TYW1B: variants seen among roughly 807,000 people sequenced by gnomAD.
TYW1B encodes S-adenosyl-L-methionine-dependent tRNA 4-demethylwyosine synthase TYW1B.
Under a neutral mutation model 86.9 loss-of-function variants are expected in TYW1B, and 73 were observed. That is an observed-to-expected ratio of 0.84 (90% CI 0.70 to 1.02). TYW1B has a LOEUF of 1.02. TYW1B is among the 50% of genes least tolerant of loss of function. The pLI, the probability that TYW1B is intolerant of heterozygous loss-of-function variation, is 0.00. For synonymous variants in TYW1B, 248 were observed against 292.8 expected (o/e 0.85, Z 1.56); for missense variants, 637 against 827.4 (o/e 0.77, Z 2.82).
chr7:72,616,983 T>A lies in TYW1B; in HGVS notation c.1618-144A>T, dbSNP rs537468620. On this transcript the variant is annotated intron_variant, in intron 12 of 13. Transcript: ENST00000620995. ...GTGAAGGAAGTGAATATAGAGATGA[T>A]AAAATCTGCCTAGGAGACCATACAA... The A allele has an allele frequency of 3.3e-5, 36 of 1,096,828 alleles. No individual in the cohort carries two copies. In the African/African-American group the frequency reaches 5.2e-4, roughly 16 times the overall value. The allele number at this position is 1,096,828 out of a possible 1,614,324, so 67.9% of individuals were successfully genotyped here. A position where few individuals can be genotyped will look rare whatever the true frequency, so the allele number is the denominator to read the frequency against.
intron 9 of TYW1B, among the ~76,000 whole-genome samples, chr7:72,717,778 A>G (rs1163304478): frequency 6.6e-6 from 1 of 152,182 alleles, no homozygotes; most frequent in African/African-American, 2.4e-5. Flanking sequence ...TTGCAGAGAA[A>G]TGCAAATTAA....
intron 4 of TYW1B, 78 bp downstream of exon 4, chr7:72,810,393 T>C: frequency 8.7e-7 from 1 of 1,144,786 alleles, no homozygotes; most frequent in Non-Finnish European, 1.2e-6. Flanking sequence ...CACGTGTGTT[T>C]GTGTGTGTGT....
chr7:72,644,826 CTTT>C (rs371295909), intron 11 of TYW1B, among the ~76,000 whole-genome samples: 3 of 119,622 alleles, frequency 2.5e-5, no homozygotes, highest in Non-Finnish European at 1.7e-5. Flanking sequence ...CATGACTTTC[CTTT>C]TTTTTTTTTT....
intron 11 of TYW1B, among the ~76,000 whole-genome samples, chr7:72,663,761 C>CAAAAAAAA: frequency 1.7e-5 from 1 of 57,840 alleles, no homozygotes; most frequent in Non-Finnish European, 2.9e-5. Context: ...GACTCCATCT[C>CAAAAAAAA]AAAAAAAAAA....
intron 3 of TYW1B, among the ~76,000 whole-genome samples, chr7:72,812,954 C>T (rs1788648885): frequency 6.6e-6 from 1 of 152,064 alleles, no homozygotes; most frequent in African/African-American, 2.4e-5. Context: ...GACCTCTCAA[C>T]TTGCTGGGAT....
At chr7:72,634,110 T>A (rs1259131605) in intron 11 of TYW1B, among the ~76,000 whole-genome samples, 2 of 152,062 alleles carry the variant, frequency 1.3e-5, no homozygotes, top group African/African-American at 4.8e-5. Context: ...CCCCCTACTT[T>A]GGGTTTCTTA....
chr7:72,728,019 A>G (rs1337775975), intron 9 of TYW1B, among the ~76,000 whole-genome samples: 2 of 152,150 alleles, frequency 1.3e-5, no homozygotes, highest in Non-Finnish European at 2.9e-5. Flanking sequence ...AATTCAAAAA[A>G]ATGGAGTGGC....
At chr7:72,734,365 G>T (rs553982894) in intron 8 of TYW1B, among the ~76,000 whole-genome samples, 13 of 150,528 alleles carry the variant, frequency 8.6e-5, no homozygotes, top group Non-Finnish European at 1.5e-4. Context: ...AGAGAACCCA[G>T]AAATAAATCC....
intron 7 of TYW1B, among the ~76,000 whole-genome samples, chr7:72,760,844 C>T (rs1351206050): frequency 6.6e-6 from 1 of 152,122 alleles, no homozygotes; most frequent in Non-Finnish European, 1.5e-5. Context: ...AAACTATAAA[C>T]CCAGCCTACA....
intron 13 of TYW1B, among the ~76,000 whole-genome samples, chr7:72,586,229 T>C (rs1323188401): frequency 6.6e-6 from 1 of 152,134 alleles, no homozygotes; most frequent in Admixed American, 6.6e-5. Context: ...AGCTAACTTC[T>C]CCCAGCAGGG....
At chr7:72,648,411 C>A (rs145510880) in intron 11 of TYW1B, among the ~76,000 whole-genome samples, 1 of 151,858 alleles carries the variant, frequency 6.6e-6, no homozygotes, top group Admixed American at 6.6e-5. Flanking sequence ...GACTTGGTAG[C>A]GCATGCCTGT....
intron 6 of TYW1B, among the ~76,000 whole-genome samples, chr7:72,801,749 G>A (rs1788406816): frequency 2.6e-5 from 4 of 152,060 alleles, no homozygotes; most frequent in African/African-American, 7.2e-5. Context: ...TCACATCCCA[G>A]ATTGGTATTT....
intron 13 of TYW1B, among the ~76,000 whole-genome samples, chr7:72,587,365 G>A (rs1227797573): frequency 6.6e-6 from 1 of 152,178 alleles, no homozygotes; most frequent in Non-Finnish European, 1.5e-5. Flanking sequence ...AGCCAGCTGT[G>A]CGGGAGACCG....
At chr7:72,767,329 A>C (rs1370823950) in intron 7 of TYW1B, among the ~76,000 whole-genome samples, 3 of 152,198 alleles carry the variant, frequency 2.0e-5, no homozygotes, top group Non-Finnish European at 2.9e-5. Context: ...GTCTTTGGCC[A>C]GGCACGGTGG....
chr7:72,618,835 A>G (rs1402567155), intron 12 of TYW1B, among the ~76,000 whole-genome samples: 2 of 152,214 alleles, frequency 1.3e-5, no homozygotes, highest in African/African-American at 4.8e-5. Context: ...TGTTTGCAGG[A>G]TGGCAGTGTA....
intron 3 of TYW1B, among the ~76,000 whole-genome samples, chr7:72,815,085 A>G (rs1357355664): frequency 6.0e-4 from 86 of 143,974 alleles, no homozygotes; most frequent in Non-Finnish European, 9.9e-4. Context: ...AAAAAAAAAA[A>G]AAAAAGAAAA....
At chr7:72,758,004 G>C (rs1214926838) in intron 7 of TYW1B, among the ~76,000 whole-genome samples, 1 of 152,314 alleles carries the variant, frequency 6.6e-6, no homozygotes, top group Non-Finnish European at 1.5e-5. Flanking sequence ...GATCAGTTGA[G>C]GTCAGGAGTT....
At chr7:72,766,266 C>T (rs1787767217) in intron 7 of TYW1B, among the ~76,000 whole-genome samples, 1 of 152,200 alleles carries the variant, frequency 6.6e-6, no homozygotes, top group African/African-American at 2.4e-5. Flanking sequence ...CGACTCAAAG[C>T]CATTATGCAA....
chr7:72,686,806 AG>A (rs1315803463), intron 11 of TYW1B, among the ~76,000 whole-genome samples: 18 of 152,210 alleles, frequency 1.2e-4, no homozygotes, highest in African/African-American at 4.3e-4. Context: ...TGCATGGAAT[AG>A]GGGGGATATG....
Sources: gnomAD v4.1 joint callset for allele counts (sites outside exome capture counted in the v4.1 genomes callset) on GRCh38, gnomAD v4.1.1 for gene constraint, MANE v1.5 for transcripts, NCBI Gene and HGNC (gene_info 2026-07-23, HGNC 2026-07-21) for gene names.